PPP2R5E: variants seen among roughly 807,000 people sequenced by gnomAD.
PPP2R5E encodes the protein serine/threonine-protein phosphatase 2A 56 kDa regulatory subunit epsilon isoform.
PPP2R5E carries 4 observed loss-of-function variants against 65.3 expected under a neutral mutation model. That is an observed-to-expected ratio of 0.06 (90% CI 0.03 to 0.14). The LOEUF (loss-of-function observed/expected upper bound fraction) is 0.14, where lower values mean the gene tolerates loss of function less well. PPP2R5E is among the 10% of genes least tolerant of loss of function. The pLI, the probability that PPP2R5E is intolerant of heterozygous loss-of-function variation, is 1.00. For missense variants in PPP2R5E, 274 were observed against 556.1 expected, an observed-to-expected ratio of 0.49 and a Z score of 5.10; for synonymous variants, 183 against 187.4, an observed-to-expected ratio of 0.98 and a Z score of 0.19.
intron 3 of PPP2R5E, among the ~76,000 whole-genome samples, chr14:63,426,533 A>G (rs1046396132): frequency 3.3e-5 from 5 of 152,144 alleles, no homozygotes; most frequent in African/African-American, 1.2e-4. Context: ...TTAAAGCAAG[A>G]GGACTATGAA....
intron 2 of PPP2R5E, among the ~76,000 whole-genome samples, chr14:63,530,237 T>G (rs1042111554): frequency 1.4e-5 from 2 of 146,554 alleles, no homozygotes; most frequent in African/African-American, 2.6e-5. Flanking sequence ...TTTTTTTTTT[T>G]TTTTTTTTTT....
intron 2 of PPP2R5E, among the ~76,000 whole-genome samples, chr14:63,466,793 GTGTA>G (rs527691107): frequency 6.6e-6 from 1 of 152,132 alleles, no homozygotes; most frequent in Non-Finnish European, 1.5e-5. Flanking sequence ...ACATACATAT[GTGTA>G]TGTATGTATG....
At chr14:63,414,429 A>G (rs1466220748) in intron 5 of PPP2R5E, among the ~76,000 whole-genome samples, 1 of 152,182 alleles carries the variant, frequency 6.6e-6, no homozygotes, top group African/African-American at 2.4e-5. Context: ...CATGTCACTC[A>G]GAAGAGAGCT....
intron 2 of PPP2R5E, among the ~76,000 whole-genome samples, chr14:63,461,332 G>C (rs1413297435): frequency 6.8e-6 from 1 of 148,082 alleles, no homozygotes. Context: ...TTACGTGCCA[G>C]TAAAATTACA....
intron 2 of PPP2R5E, among the ~76,000 whole-genome samples, chr14:63,483,831 T>C (rs1890832908): frequency 6.6e-6 from 1 of 152,086 alleles, no homozygotes; most frequent in African/African-American, 2.4e-5. Flanking sequence ...ACACCTGTAA[T>C]CCCAGCACTT....
At chr14:63,390,434 A>G (rs1884955759) in intron 10 of PPP2R5E, among the ~76,000 whole-genome samples, 1 of 152,212 alleles carries the variant, frequency 6.6e-6, no homozygotes, top group Admixed American at 6.5e-5. Context: ...AATCTGCAGT[A>G]GAGTCAATTG....
At chr14:63,417,287 G>A (rs977913780) in intron 4 of PPP2R5E, among the ~76,000 whole-genome samples, 5 of 152,120 alleles carry the variant, frequency 3.3e-5, no homozygotes, top group Admixed American at 6.5e-5. Context: ...GCAAGCTCAA[G>A]GTGACAGATG....
At position 63,440,558 on chromosome 14, in the gene PPP2R5E, G is replaced by A. The variant is rs568331545; in HGVS notation, c.354+13131C>T. Among the ~76,000 whole-genome samples the A allele has an allele frequency of 3.6e-4, 55 of 152,082 alleles. 1 individual carries two copies. Among genetic ancestry groups the A allele is most frequent in the South Asian group, 1.2e-3 (6 of 4,824 alleles). On this transcript the variant is annotated intron_variant, in intron 3 of 13. Transcript: ENST00000337537. Reference sequence around the variant, plus strand: ...GCTCAAGAAACAAACATAGCACAGAGGCAAGACTCCAACTTTTAGGGGTTT... The same window carrying A: ...GCTCAAGAAACAAACATAGCACAGAAGCAAGACTCCAACTTTTAGGGGTTT...
chr14:63,517,950 CCCA>C (rs1348838674), intron 2 of PPP2R5E, among the ~76,000 whole-genome samples: 1 of 151,942 alleles, frequency 6.6e-6, no homozygotes, highest in Non-Finnish European at 1.5e-5. Flanking sequence ...CATTATGTTC[CCCA>C]CTATTCCAAG....
At chr14:63,473,812 T>C (rs1473091865) in intron 2 of PPP2R5E, among the ~76,000 whole-genome samples, 2 of 152,226 alleles carry the variant, frequency 1.3e-5, no homozygotes, top group Admixed American at 6.5e-5. Flanking sequence ...TGCATTTGAC[T>C]TTAACATTAA....
chr14:63,389,504 T>C, intron 11 of PPP2R5E, 108 bp downstream of exon 11: 1 of 1,266,612 alleles, frequency 7.9e-7, no homozygotes, highest in Non-Finnish European at 1.1e-6. Context: ...TGTGAGGGGA[T>C]AGCAAATAAA....
intron 2 of PPP2R5E, among the ~76,000 whole-genome samples, chr14:63,469,308 G>A (rs1889995179): frequency 6.6e-6 from 1 of 151,782 alleles, no homozygotes; most frequent in Admixed American, 6.5e-5. Flanking sequence ...AAGGGCATAT[G>A]TTGTAAAGAA....
chr14:63,387,257 A>G (rs1884727129), intron 11 of PPP2R5E, among the ~76,000 whole-genome samples: 2 of 152,214 alleles, frequency 1.3e-5, no homozygotes, highest in Admixed American at 1.3e-4. Flanking sequence ...TTTACCTGCC[A>G]TTTAACTCTA....
At chr14:63,461,520 G>C (rs1889456901) in intron 2 of PPP2R5E, among the ~76,000 whole-genome samples, 1 of 152,004 alleles carries the variant, frequency 6.6e-6, no homozygotes, top group South Asian at 2.1e-4. Flanking sequence ...TTGGTGCTGG[G>C]CACGTTGGCT....
chr14:63,423,161 CT>C (rs2139891273), intron 3 of PPP2R5E, among the ~76,000 whole-genome samples: 1 of 152,332 alleles, frequency 6.6e-6, no homozygotes, highest in African/African-American at 2.4e-5. Context: ...GTGACGCAAT[CT>C]TGGCTCACTG....
intron 1 of PPP2R5E, 130 bp from the exon 2 acceptor site, chr14:63,539,822 C>T (rs1893815838): frequency 9.7e-7 from 1 of 1,031,482 alleles, no homozygotes; most frequent in Non-Finnish European, 1.4e-6. Flanking sequence ...AAAATAAAAT[C>T]AGTTAAGAAA....
chr14:63,474,673 C>CAAAAAAAAAAAAA (rs1157357885), intron 2 of PPP2R5E, among the ~76,000 whole-genome samples: 4 of 27,732 alleles, frequency 1.4e-4, no homozygotes, highest in African/African-American at 2.0e-4. Context: ...TACCCCATCT[C>CAAAAAAAAAAAAA]AAAAAAAAAA....
intron 2 of PPP2R5E, among the ~76,000 whole-genome samples, chr14:63,514,343 T>G (rs1311190148): frequency 1.3e-5 from 2 of 152,164 alleles, no homozygotes; most frequent in African/African-American, 4.8e-5. Flanking sequence ...CCAGAGTCTT[T>G]CAAAGCATTT....
At chr14:63,404,565 G>A (rs1220002343) in intron 5 of PPP2R5E, among the ~76,000 whole-genome samples, 1 of 152,070 alleles carries the variant, frequency 6.6e-6, no homozygotes, top group Non-Finnish European at 1.5e-5. Context: ...AGCAACCTAT[G>A]GGGCAAATAC....
Sources: gnomAD v4.1 joint callset for allele counts (sites outside exome capture counted in the v4.1 genomes callset) on GRCh38, gnomAD v4.1.1 for gene constraint, MANE v1.5 for transcripts, NCBI Gene and HGNC (gene_info 2026-07-23, HGNC 2026-07-21) for gene names.